SV2C: variants seen among roughly 807,000 people sequenced by gnomAD.
SV2C encodes solute carrier family 22 member B3.
A neutral mutation model predicts 79.7 loss-of-function variants in SV2C; 49 were observed. That is an observed-to-expected ratio of 0.61 (90% CI 0.49 to 0.78). The LOEUF (loss-of-function observed/expected upper bound fraction) is 0.78. Ranked by LOEUF, SV2C falls within the 30% of genes least tolerant of loss-of-function variation. The pLI, the probability that SV2C is intolerant of heterozygous loss-of-function variation, is 0.00. For missense variants in SV2C, 833 were observed against 912.9 expected, an observed-to-expected ratio of 0.91 and a Z score of 1.13; for synonymous variants, 334 against 333.2, an observed-to-expected ratio of 1.00 and a Z score of -0.03.
At chr5:76,153,357 T>A (rs1391121963) in intron 2 of SV2C, among the ~76,000 whole-genome samples, 1 of 152,194 alleles carries the variant, frequency 6.6e-6, no homozygotes, top group East Asian at 1.9e-4. Context: ...CCTTCTGATG[T>A]CTCTCGGCTC....
At chr5:76,227,352 G>A (rs1249131239) in intron 4 of SV2C, among the ~76,000 whole-genome samples, 1 of 152,146 alleles carries the variant, frequency 6.6e-6, no homozygotes, top group Non-Finnish European at 1.5e-5. Context: ...TGGACCGAGG[G>A]TGGGGTTCCA....
At chr5:76,177,727 G>C (rs1580332723) in intron 2 of SV2C, among the ~76,000 whole-genome samples, 1 of 151,924 alleles carries the variant, frequency 6.6e-6, no homozygotes, top group East Asian at 1.9e-4. Context: ...TCACACTCCT[G>C]TGTGACTTTG....
the SV2C span, among the ~76,000 whole-genome samples, chr5:76,060,727 T>C: frequency 6.6e-6 from 1 of 152,134 alleles, no homozygotes; most frequent in Admixed American, 6.6e-5. Flanking sequence ...GGAGTAGCAC[T>C]TTTAATTTCC....
intron 1 of SV2C, among the ~76,000 whole-genome samples, chr5:76,118,675 A>G (rs1389613134): frequency 6.6e-6 from 1 of 151,840 alleles, no homozygotes; most frequent in East Asian, 1.9e-4. Flanking sequence ...GCAGTATGAT[A>G]TTATATATTA....
chr5:76,115,345 C>T lies in SV2C; in HGVS notation c.-101-16305C>T, dbSNP rs145376734. 2.6e-3 allele frequency among the ~76,000 whole-genome samples: 397 copies of T among 152,180 alleles called. 3 individuals carry two copies. Among genetic ancestry groups the T allele is most frequent in the African/African-American group, 7.7e-3 (318 of 41,504 alleles). Reference sequence around the variant, plus strand: ...TTTTTCTTCTACTTTTAGTGATAGGCGTACAGGGGAAAGGGAAACTAGTCT... The same window carrying T: ...TTTTTCTTCTACTTTTAGTGATAGGTGTACAGGGGAAAGGGAAACTAGTCT... On this transcript the variant is annotated intron_variant, in intron 1 of 12. Coordinates refer to ENST00000502798, the MANE Select transcript of SV2C (RefSeq NM_014979.4).
chr5:76,113,838 A>C (rs1265546446), intron 1 of SV2C, among the ~76,000 whole-genome samples: 1 of 152,196 alleles, frequency 6.6e-6, no homozygotes, highest in African/African-American at 2.4e-5. Context: ...AAGACAGGAA[A>C]GAATGCCCAT....
chr5:75,975,653 A>C, the SV2C span, among the ~76,000 whole-genome samples: 1 of 152,146 alleles, frequency 6.6e-6, no homozygotes, highest in African/African-American at 2.4e-5. Context: ...CAGGAAGGAC[A>C]TTCTGGTTTC....
chr5:76,310,748 A>G (rs1207663705), intron 12 of SV2C, among the ~76,000 whole-genome samples: 1 of 152,178 alleles, frequency 6.6e-6, no homozygotes, highest in African/African-American at 2.4e-5. Flanking sequence ...CCATAGAAAT[A>G]ACATGTCTGA....
chr5:76,256,878 T>G (rs966431525), intron 4 of SV2C, among the ~76,000 whole-genome samples: 2 of 152,284 alleles, frequency 1.3e-5, no homozygotes, highest in African/African-American at 4.8e-5. Context: ...ACAGACTTAA[T>G]GAACGAGTTC....
chr5:75,913,829 G>C, the SV2C span, among the ~76,000 whole-genome samples: 1 of 152,128 alleles, frequency 6.6e-6, no homozygotes, highest in Admixed American at 6.5e-5. Context: ...ACTTGTACAG[G>C]GCTTTTAGCC....
chr5:75,879,564 A>T, the SV2C span, among the ~76,000 whole-genome samples: 2 of 152,196 alleles, frequency 1.3e-5, no homozygotes, highest in African/African-American at 4.8e-5. Context: ...CTGGTGCAAG[A>T]GGTGGGCTCC....
At chr5:76,052,419 T>G in the SV2C span, among the ~76,000 whole-genome samples, 1 of 152,186 alleles carries the variant, frequency 6.6e-6, no homozygotes, top group Admixed American at 6.5e-5. Flanking sequence ...AAGAAGGGAC[T>G]GAAGAATTAA....
the SV2C span, among the ~76,000 whole-genome samples, chr5:75,895,634 G>C: frequency 0.016 from 2,465 of 152,196 alleles, 34 homozygotes; most frequent in African/African-American, 0.042. Context: ...GATGGGCTCA[G>C]ACTTCATGGT....
chr5:76,104,359 T>G (rs1402585602), intron 1 of SV2C, among the ~76,000 whole-genome samples: 1 of 152,218 alleles, frequency 6.6e-6, no homozygotes, highest in Non-Finnish European at 1.5e-5. Context: ...TTCACAGTTC[T>G]CATATTTCTA....
chr5:75,969,943 C>G, the SV2C span, among the ~76,000 whole-genome samples: 2 of 151,830 alleles, frequency 1.3e-5, no homozygotes, highest in African/African-American at 4.8e-5. Flanking sequence ...CCTCAGCAAA[C>G]GTAAAAGAAC....
At chr5:76,190,532 G>T (rs1238751040) in intron 2 of SV2C, among the ~76,000 whole-genome samples, 2 of 152,208 alleles carry the variant, frequency 1.3e-5, no homozygotes, top group Non-Finnish European at 2.9e-5. Flanking sequence ...AAGACAACCA[G>T]CCATCTAGAG....
chr5:76,036,368 T>C, the SV2C span, among the ~76,000 whole-genome samples: 4 of 152,220 alleles, frequency 2.6e-5, no homozygotes. Flanking sequence ...GGCATGATTT[T>C]GCAGCAGCTG....
chr5:75,898,800 G>A, the SV2C span, among the ~76,000 whole-genome samples: 2,125 of 152,098 alleles, frequency 0.014, 40 homozygotes, highest in African/African-American at 0.047. Context: ...GTCTTGGGAG[G>A]GTGTATGTGT....
intron 2 of SV2C, among the ~76,000 whole-genome samples, chr5:76,134,323 T>A (rs1281445399): frequency 1.3e-5 from 2 of 152,236 alleles, no homozygotes; most frequent in African/African-American, 4.8e-5. Context: ...GACTTGCATT[T>A]CAATTATTTT....
Sources: gnomAD v4.1 joint callset for allele counts (sites outside exome capture counted in the v4.1 genomes callset) on GRCh38, gnomAD v4.1.1 for gene constraint, MANE v1.5 for transcripts, NCBI Gene and HGNC (gene_info 2026-07-23, HGNC 2026-07-21) for gene names.